ADHFE1: variants seen among roughly 807,000 people sequenced by gnomAD.
ADHFE1 encodes alcohol dehydrogenase iron containing 1.
ADHFE1 carries 37 observed loss-of-function variants against 54.8 expected under a neutral mutation model. The observed-to-expected ratio is 0.68, with a 90% CI of 0.52 to 0.89. The LOEUF (loss-of-function observed/expected upper bound fraction) is 0.89, where lower values mean the gene tolerates loss of function less well. Ranked by LOEUF, ADHFE1 falls within the 40% of genes least tolerant of loss-of-function variation. The pLI is 0.00. For missense variants in ADHFE1, 601 were observed against 591.2 expected (o/e 1.02, Z -0.17); for synonymous variants, 203 against 229.3 (o/e 0.89, Z 1.04).
rs868722963 is a variant in ADHFE1, at chr8:66,459,428, A to T, written c.1163-880A>T. On this transcript the variant is annotated intron_variant, in intron 12 of 13. Coordinates refer to ENST00000396623, the MANE Select transcript of ADHFE1 (RefSeq NM_144650.3). Reference sequence around the variant, plus strand: ...ATTTTTATTATATATATATATATATATATTTTTTTTTTTTTTTTAACAGAG... The same window carrying T: ...ATTTTTATTATATATATATATATATTTATTTTTTTTTTTTTTTTAACAGAG... 4.9e-3 allele frequency: 524 copies of T among 107,246 alleles called. 3 individuals carry two copies. The highest frequency in any genetic ancestry group is 8.6e-3 in the Admixed American group (88 of 10,180). 6.6% of individuals were successfully genotyped at this position (107,246 alleles called of 1,614,324 possible).
intron 6 of ADHFE1, among the ~76,000 whole-genome samples, chr8:66,445,964 A>G (rs1044502864): frequency 6.6e-5 from 10 of 152,214 alleles, no homozygotes; most frequent in African/African-American, 2.4e-4. Flanking sequence ...CATTTGTTCC[A>G]CAGGGGACCT....
rs1183087253 is a variant in ADHFE1, at chr8:66,445,420, G to A, written c.550+6G>A. The A allele has an allele frequency of 1.9e-6, 3 of 1,596,450 alleles. No homozygotes were observed. The highest frequency in any genetic ancestry group is 1.7e-6 in the Non-Finnish European group (2 of 1,174,400). On this transcript the variant is annotated splice_donor_region_variant and intron_variant, in intron 6 of 13. Transcript: ENST00000396623. Reference sequence around the variant, plus strand: ...TCTTAAGCCTCTGATTGCAGGTAAAGACTGTTTATTTCTTTGTTTGTTTTA... The same window carrying A: ...TCTTAAGCCTCTGATTGCAGGTAAAAACTGTTTATTTCTTTGTTTGTTTTA...
rs374237767 is a variant in ADHFE1 at position 66,445,340 on chromosome 8, A to G, written c.476A>G (p.Asp159Gly). ...ANLYASSPHS[D>G]FLDYVSAPIG... ...CTGTATGCATCCAGCCCTCATTCTG[A>G]TTTCCTAGATTATGTCAGTGCCCCC... The change falls in exon 6 of 14, where the codon GAT becomes GGT. Residue 159 changes from aspartate to glycine, a missense_variant. By Grantham distance (94) the Asp-to-Gly change is moderately conservative. Coordinates refer to ENST00000396623, the MANE Select transcript of ADHFE1 (RefSeq NM_144650.3). 54 of 1,613,778 alleles carry G rather than the reference A, an allele frequency of 3.3e-5. No individual in the cohort carries two copies. Among genetic ancestry groups the G allele is most frequent in the Non-Finnish European group, 4.6e-5 (54 of 1,179,950 alleles).
chr8:66,464,189 A>G (rs1466341925), intron 13 of ADHFE1, among the ~76,000 whole-genome samples: 6 of 152,218 alleles, frequency 3.9e-5, no homozygotes, highest in African/African-American at 1.4e-4. Flanking sequence ...CCTATAAATA[A>G]TAGCACATCA....
rs574265479 is a variant in ADHFE1, at chr8:66,435,309, T to C, written c.59+2734T>C. Among the ~76,000 whole-genome samples, 3 of 152,298 alleles carry C rather than the reference T, an allele frequency of 2.0e-5. No homozygotes were observed. The East Asian group carries it at 5.8e-4, about 29-fold the overall frequency. ...AGTTCCAGAGGTCAAAAGTCTGAAA[T>C]GAGTTTTACTAGGCTGAAGCCAAGG... is the stretch of plus-strand genomic sequence containing the variant. On this transcript the variant is annotated intron_variant, in intron 1 of 13. Transcript: ENST00000396623.
At chr8:66,455,684 T>C (rs1287048166) in intron 10 of ADHFE1, among the ~76,000 whole-genome samples, 9 of 152,162 alleles carry the variant, frequency 5.9e-5, no homozygotes, top group Admixed American at 5.9e-4. Flanking sequence ...GGAAGCCGAG[T>C]TGGACGGATC....
rs147636085 is a variant in ADHFE1, at chr8:66,438,404, A to C, written c.60-1758A>C. On this transcript the variant is annotated intron_variant, in intron 1 of 13. Transcript: ENST00000396623. ...AAATGAACATTTAAGGAATGGGCAG[A>C]GTGGAAAAGGAGCCAGTAAAAGAAC... Among the ~76,000 whole-genome samples, 1,303 of 152,308 alleles carry C rather than the reference A, an allele frequency of 8.6e-3. 7 individuals are homozygous for C. The highest frequency in any genetic ancestry group is 0.014 in the Non-Finnish European group (961 of 68,032).
chr8:66,457,467 G>A (rs1216384449), intron 12 of ADHFE1, among the ~76,000 whole-genome samples: 1 of 147,226 alleles, frequency 6.8e-6, no homozygotes, highest in Non-Finnish European at 1.5e-5. Context: ...GACAGAGTGA[G>A]ACTCTCTCTC....
chr8:66,452,389 G>C (rs192358286), intron 9 of ADHFE1, among the ~76,000 whole-genome samples: 1 of 152,182 alleles, frequency 6.6e-6, no homozygotes. Context: ...GCTCCCCAGG[G>C]CAGAAATGAG....
In ADHFE1 at chr8:66,439,573, CG is replaced by C; in HGVS notation, c.60-588del. The C allele has an allele frequency of 1.0e-6, 1 of 985,886 alleles. No homozygotes were observed. The highest frequency in any genetic ancestry group is 1.2e-6 in the Non-Finnish European group (1 of 830,366). 61.1% of individuals were successfully genotyped at this position (985,886 alleles called of 1,614,324 possible). ...CGCAGCTGGGGCCTCTGGGGAGCGG[CG>C]CGGCGGGGACGGAGGAGAGCTCGGA... On this transcript the variant is annotated intron_variant, in intron 1 of 13. Transcript: ENST00000396623. This position sits in a 1 kb window ranked among gnomAD's most constrained non-coding sequence, Gnocchi z 4.4.
chr8:66,434,203 A>G (rs1410021864), intron 1 of ADHFE1, among the ~76,000 whole-genome samples: 4 of 152,198 alleles, frequency 2.6e-5, no homozygotes, highest in Admixed American at 2.0e-4. Flanking sequence ...GCATCAAGTA[A>G]ACAGTGGGCT....
In ADHFE1 at chr8:66,455,243, C is replaced by T. The variant is rs769678982; in HGVS notation, c.986+1086C>T. 6.8e-4 allele frequency among the ~76,000 whole-genome samples: 103 copies of T among 152,294 alleles called. 1 individual carries two copies. The highest frequency in any genetic ancestry group is 7.8e-4 in the Admixed American group (12 of 15,296). Reference sequence around the variant, plus strand: ...CGGCATCTGCGCTGTTTTACATTCCCACCTGCAGTGGGTGAAGATTCTGAT... The same window carrying T: ...CGGCATCTGCGCTGTTTTACATTCCTACCTGCAGTGGGTGAAGATTCTGAT... On this transcript the variant is annotated intron_variant, in intron 10 of 13. Transcript: ENST00000396623.
At chr8:66,441,509 TAAAAA>T (rs1805744107) in intron 2 of ADHFE1, among the ~76,000 whole-genome samples, 1 of 152,116 alleles carries the variant, frequency 6.6e-6, no homozygotes, top group South Asian at 2.1e-4. Context: ...CTATTTTCCT[TAAAAA>T]AGAAAAAGCA....
chr8:66,451,564 T>C (rs1806303748), intron 8 of ADHFE1, among the ~76,000 whole-genome samples: 1 of 152,208 alleles, frequency 6.6e-6, no homozygotes, highest in Non-Finnish European at 1.5e-5. Flanking sequence ...TTTGGTAATA[T>C]GGTATTTGAT....
chr8:66,458,735 G>A (rs1359034606), intron 12 of ADHFE1, among the ~76,000 whole-genome samples: 1 of 152,132 alleles, frequency 6.6e-6, no homozygotes, highest in African/African-American at 2.4e-5. Flanking sequence ...TATCCCACAC[G>A]ATGAAATATT....
rs1805634650 is a variant in ADHFE1 at position 66,439,512 on chromosome 8, G to C, written c.60-650G>C. The C allele has an allele frequency of 3.0e-6, 3 of 985,808 alleles. No individual in the cohort carries two copies. Among genetic ancestry groups the C allele is most frequent in the Non-Finnish European group, 3.6e-6 (3 of 830,116 alleles). 61.1% of individuals were successfully genotyped at this position (985,808 alleles called of 1,614,324 possible). A position where few individuals can be genotyped will look rare whatever the true frequency, so the allele number is the denominator to read the frequency against. On this transcript the variant is annotated intron_variant, in intron 1 of 13. Coordinates refer to ENST00000396623, the MANE Select transcript of ADHFE1 (RefSeq NM_144650.3). This position sits in a 1 kb window ranked among gnomAD's most constrained non-coding sequence, Gnocchi z 4.4. ...TGTAGAGAAGTCGACCGAGAAGTGAGATGCGGTGGCGACCTCGGAGCGCAC... is the reference window on the plus strand; with the variant it reads ...TGTAGAGAAGTCGACCGAGAAGTGACATGCGGTGGCGACCTCGGAGCGCAC...
chr8:66,444,832 G>C, intron 5 of ADHFE1, 84 bp downstream of exon 5: 1 of 1,518,132 alleles, frequency 6.6e-7, no homozygotes, highest in Admixed American at 1.8e-5. Flanking sequence ...CAGGCGTGGT[G>C]GCTCACGCCT....
intron 1 of ADHFE1, among the ~76,000 whole-genome samples, chr8:66,437,930 T>C (rs1333087739): frequency 6.6e-6 from 1 of 152,140 alleles, no homozygotes; most frequent in Non-Finnish European, 1.5e-5. Context: ...GGAAAGTATG[T>C]TACAGGCAGA....
At chr8:66,459,411 TA>T (rs869235565) in intron 12 of ADHFE1, 2 of 89,464 alleles carry the variant, frequency 2.2e-5, no homozygotes, top group South Asian at 5.1e-4. Context: ...TAATTTTTAT[TA>T]TATATATATA....
Sources: gnomAD v4.1 joint callset for allele counts (sites outside exome capture counted in the v4.1 genomes callset) on GRCh38, gnomAD v4.1.1 for gene constraint, Gnocchi (gnomAD v3.1) non-coding constraint, MANE v1.5 for transcripts, NCBI Gene and HGNC (gene_info 2026-07-23, HGNC 2026-07-21) for gene names.